SVOPL: variants seen among roughly 807,000 people sequenced by gnomAD.
SVOPL encodes SVOP like, also known as putative transporter SVOPL.
A neutral mutation model predicts 61.0 loss-of-function variants in SVOPL; 60 were observed. The observed-to-expected ratio is 0.98, with a 90% CI of 0.80 to 1.22. SVOPL has a LOEUF of 1.22. Among genes scored for constraint, SVOPL ranks in the 50% most tolerant of loss-of-function variants. The probability of loss-of-function intolerance (pLI) is 0.00; values close to 1 mark genes in which losing one functional copy is unlikely to be tolerated. For synonymous variants in SVOPL, 279 were observed against 250.0 expected, an observed-to-expected ratio of 1.12 and a Z score of -1.09; for missense variants, 662 against 643.9, an observed-to-expected ratio of 1.03 and a Z score of -0.30.
chr7:138,652,554 G>A (rs1487129254), intron 7 of SVOPL, among the ~76,000 whole-genome samples: 2 of 152,168 alleles, frequency 1.3e-5, no homozygotes, highest in Non-Finnish European at 2.9e-5. Flanking sequence ...CGAAAGCTGA[G>A]GTAAGCCAAA....
intron 9 of SVOPL, among the ~76,000 whole-genome samples, chr7:138,639,465 A>G (rs571459423): frequency 3.3e-5 from 5 of 151,568 alleles, no homozygotes; most frequent in Admixed American, 2.6e-4. Context: ...TGTCTCTATT[A>G]AAAAAACGAA....
At chr7:138,700,685 G>GATGGATGGATGC (rs1803175628) in intron 1 of SVOPL, among the ~76,000 whole-genome samples, 1 of 147,582 alleles carries the variant, frequency 6.8e-6, no homozygotes, top group Non-Finnish European at 1.5e-5. Context: ...TAAGAGGATG[G>GATGGATGGATGC]ATGGATGGAT....
At chr7:138,625,650 G>A (rs1799857501) in intron 13 of SVOPL, among the ~76,000 whole-genome samples, 1 of 152,176 alleles carries the variant, frequency 6.6e-6, no homozygotes, top group African/African-American at 2.4e-5. Flanking sequence ...CAAAAAGAGA[G>A]AAAGGAAATT....
rs187406169 is a variant in SVOPL at position 138,647,393 on chromosome 7, A to G, written c.660+1619T>C. Among the ~76,000 whole-genome samples the G allele has an allele frequency of 2.6e-3, 400 of 152,052 alleles. 6 individuals are homozygous for G. The highest frequency in any genetic ancestry group is 9.0e-3 in the African/African-American group (373 of 41,464). ...TGAAACGCCATCTCAAAAAAGAAAA[A>G]TGAAAAAAAGATGACATGGCGAGAA... On this transcript the variant is annotated intron_variant, in intron 8 of 15. Transcript: ENST00000674285.
At chr7:138,634,523 C>T (rs1193343384) in intron 9 of SVOPL, among the ~76,000 whole-genome samples, 1 of 151,574 alleles carries the variant, frequency 6.6e-6, no homozygotes, top group Non-Finnish European at 1.5e-5. Context: ...TGGTGTGCAC[C>T]TATAGTCCCA....
At chr7:138,653,750 G>A (rs553314314) in intron 7 of SVOPL, among the ~76,000 whole-genome samples, 47 of 152,094 alleles carry the variant, frequency 3.1e-4, no homozygotes, top group East Asian at 1.4e-3. Flanking sequence ...CCTGGCCAAC[G>A]TGGTGAAACC....
chr7:138,668,160 G>T (rs1368750998), intron 4 of SVOPL, among the ~76,000 whole-genome samples: 1 of 152,010 alleles, frequency 6.6e-6, no homozygotes, highest in Non-Finnish European at 1.5e-5. Flanking sequence ...CTCACTCAGC[G>T]CAAGAGGAAA....
At chr7:138,608,504 A>T (rs1294325974) in intron 14 of SVOPL, among the ~76,000 whole-genome samples, 6 of 152,190 alleles carry the variant, frequency 3.9e-5, no homozygotes, top group Non-Finnish European at 2.9e-5. Flanking sequence ...CACTGGGGGA[A>T]ATTGTACAGC....
chr7:138,605,388 G>A (rs1352409742), intron 14 of SVOPL, among the ~76,000 whole-genome samples: 2 of 152,086 alleles, frequency 1.3e-5, no homozygotes, highest in South Asian at 4.2e-4. Flanking sequence ...AAGGCCGGGT[G>A]CAGTGGCTCA....
intron 6 of SVOPL, among the ~76,000 whole-genome samples, chr7:138,659,309 T>G (rs1430509582): frequency 1.3e-5 from 2 of 152,014 alleles, no homozygotes; most frequent in African/African-American, 2.4e-5. Flanking sequence ...CTGGCCAACA[T>G]GGCGAAACCC....
chr7:138,652,083 G>C (rs1412382784), intron 7 of SVOPL, among the ~76,000 whole-genome samples: 1 of 149,310 alleles, frequency 6.7e-6, no homozygotes, highest in African/African-American at 2.5e-5. Context: ...TTTCCCCCTC[G>C]CTCTGTCACC....
At chr7:138,688,911 G>T in intron 1 of SVOPL, 1 of 465,320 alleles carries the variant, frequency 2.1e-6, no homozygotes, top group Non-Finnish European at 4.0e-6. Flanking sequence ...TAGGATCATT[G>T]CAGATGTAAT....
intron 8 of SVOPL, among the ~76,000 whole-genome samples, chr7:138,648,250 G>C (rs892765460): frequency 6.6e-6 from 1 of 152,224 alleles, no homozygotes; most frequent in Non-Finnish European, 1.5e-5. Flanking sequence ...GAGGGGCAAC[G>C]AGGCAGGCTA....
At chr7:138,671,912 A>ATATAC in intron 4 of SVOPL, 107 bp downstream of exon 4, 1 of 959,694 alleles carries the variant, frequency 1.0e-6, no homozygotes, top group Non-Finnish European at 1.6e-6. Context: ...TTGGAAGCCA[A>ATATAC]CAGTGGCAGT....
At chr7:138,631,185 G>T (rs1800170103) in intron 9 of SVOPL, among the ~76,000 whole-genome samples, 1 of 152,074 alleles carries the variant, frequency 6.6e-6, no homozygotes, top group Admixed American at 6.6e-5. Context: ...GAGGTCTTTT[G>T]CTCCAATGGT....
chr7:138,611,459 C>T (rs892694377), intron 14 of SVOPL, among the ~76,000 whole-genome samples: 12 of 152,130 alleles, frequency 7.9e-5, no homozygotes, highest in Admixed American at 7.9e-4. Context: ...TTAACTAGTG[C>T]CCAGCTCTGT....
chr7:138,676,590 A>C (rs1802567045), intron 3 of SVOPL, among the ~76,000 whole-genome samples: 1 of 152,112 alleles, frequency 6.6e-6, no homozygotes, highest in Non-Finnish European at 1.5e-5. Flanking sequence ...TGGGTTTTGG[A>C]AGGGACACAT....
intron 3 of SVOPL, among the ~76,000 whole-genome samples, chr7:138,676,385 A>G (rs1379342094): frequency 6.6e-6 from 1 of 152,214 alleles, no homozygotes; most frequent in Admixed American, 6.5e-5. Flanking sequence ...CCAAGATCAA[A>G]GTGCCAGCAG....
chr7:138,617,576 C>G (rs1270965649), intron 14 of SVOPL, among the ~76,000 whole-genome samples: 1 of 152,136 alleles, frequency 6.6e-6, no homozygotes, highest in Non-Finnish European at 1.5e-5. Flanking sequence ...AGGCCAGGCT[C>G]AGCGGTTCAC....
Sources: gnomAD v4.1 joint callset for allele counts (sites outside exome capture counted in the v4.1 genomes callset) on GRCh38, gnomAD v4.1.1 for gene constraint, MANE v1.5 for transcripts, NCBI Gene and HGNC (gene_info 2026-07-23, HGNC 2026-07-21) for gene names.